The following PID1 variants were observed in gnomAD, a reference collection of about 807,000 sequenced individuals.
The protein encoded by PID1 is PTB-containing, cubilin and LRP1-interacting protein.
Under a neutral mutation model 19.1 loss-of-function variants are expected in PID1, and 10 were observed. The observed-to-expected ratio is 0.52, with a 90% CI of 0.32 to 0.89. PID1 has a LOEUF of 0.89. Ranked by LOEUF, PID1 falls within the 40% of genes least tolerant of loss-of-function variation. PID1 has a pLI of 0.03. For synonymous variants in PID1, 130 were observed against 116.0 expected (o/e 1.12, Z -0.78); for missense variants, 248 against 285.3 (o/e 0.87, Z 0.94).
At chr2:229,054,722 G>GTGTGTT (rs1035204865) in intron 2 of PID1, among the ~76,000 whole-genome samples, 1 of 57,116 alleles carries the variant, frequency 1.8e-5, no homozygotes, top group Non-Finnish European at 4.0e-5. Flanking sequence ...GTGTGTGTGG[G>GTGTGTT]GGGGGGGGGG....
intron 2 of PID1, among the ~76,000 whole-genome samples, chr2:229,083,311 A>T (rs569979642): frequency 6.6e-6 from 1 of 152,320 alleles, no homozygotes; most frequent in South Asian, 2.1e-4. Flanking sequence ...CAGCACACCT[A>T]GGCCAAGAGT....
chr2:229,158,799 A>G (rs1288229745), intron 1 of PID1, among the ~76,000 whole-genome samples: 13 of 152,192 alleles, frequency 8.5e-5, no homozygotes. Context: ...AGTAGAGATC[A>G]TTATGTTACA....
At chr2:229,266,960 T>G (rs1344297340) in intron 1 of PID1, among the ~76,000 whole-genome samples, 1 of 152,210 alleles carries the variant, frequency 6.6e-6, no homozygotes, top group Non-Finnish European at 1.5e-5. Context: ...GTTGACGTTT[T>G]AGAGGGTTCT....
intron 1 of PID1, among the ~76,000 whole-genome samples, chr2:229,160,279 A>C (rs1381414305): frequency 6.6e-6 from 1 of 152,110 alleles, no homozygotes; most frequent in Non-Finnish European, 1.5e-5. Flanking sequence ...GCAAACAGAG[A>C]CTGAAAGGTG....
chr2:229,112,036 C>A (rs1024631180), intron 2 of PID1, among the ~76,000 whole-genome samples: 1 of 152,290 alleles, frequency 6.6e-6, no homozygotes, highest in Non-Finnish European at 1.5e-5. Context: ...CAGAGCTGCA[C>A]GACAGTAAAT....
intron 1 of PID1, among the ~76,000 whole-genome samples, chr2:229,235,095 C>G (rs1692295377): frequency 6.6e-6 from 1 of 152,190 alleles, no homozygotes; most frequent in Non-Finnish European, 1.5e-5. Context: ...CTCCCACCCT[C>G]TCTCTAGGCT....
In PID1 at chr2:229,271,247, G is replaced by A. The variant is rs1218141030; in HGVS notation, c.-204C>T. 5 of 458,732 alleles carry A rather than the reference G, an allele frequency of 1.1e-5. No individual in the cohort carries two copies. Among genetic ancestry groups the A allele is most frequent in the African/African-American group, 1.0e-4 (5 of 47,776 alleles). The allele number at this position is 458,732 out of a possible 1,614,324, so 28.4% of individuals were successfully genotyped here. ...CAGCTGCCGGCAACTTGTGGGCACGGCCGCGCGCCGGCTGTCCTGGCGCAG... is the reference window on the plus strand; with the variant it reads ...CAGCTGCCGGCAACTTGTGGGCACGACCGCGCGCCGGCTGTCCTGGCGCAG... On this transcript the variant is annotated 5_prime_UTR_variant, in exon 1 of 3. Transcript: ENST00000392055.
intron 1 of PID1, among the ~76,000 whole-genome samples, chr2:229,250,094 A>G (rs949578970): frequency 6.6e-6 from 1 of 152,220 alleles, no homozygotes; most frequent in Non-Finnish European, 1.5e-5. Context: ...CTAATCACTG[A>G]TATTTGAGTT....
chr2:229,127,928 G>T (rs1474247172), intron 2 of PID1, among the ~76,000 whole-genome samples: 5 of 152,116 alleles, frequency 3.3e-5, no homozygotes, highest in African/African-American at 9.7e-5. Flanking sequence ...CTGCTCTTTG[G>T]CTTCCCTTTG....
chr2:229,044,574 T>C (rs377589431), intron 2 of PID1, among the ~76,000 whole-genome samples: 31 of 152,336 alleles, frequency 2.0e-4, no homozygotes, highest in South Asian at 6.2e-4. Context: ...TGAATCTAAG[T>C]TGGAAAGTCA....
chr2:229,094,640 A>G (rs71415708), intron 2 of PID1, among the ~76,000 whole-genome samples: 1 of 152,102 alleles, frequency 6.6e-6, no homozygotes, highest in Non-Finnish European at 1.5e-5. Flanking sequence ...AGACAGATAC[A>G]ACCAATTGAT....
rs537957456 is a variant in PID1 at position 229,215,804 on chromosome 2, C to T, written c.30+55210G>A. 9.2e-5 allele frequency among the ~76,000 whole-genome samples: 14 copies of T among 152,332 alleles called. No individual in the cohort carries two copies. The East Asian group carries it at 2.3e-3, about 25-fold the overall frequency. On this transcript the variant is annotated intron_variant, in intron 1 of 2. Transcript: ENST00000392055. ...AAAGAATTAAATTCTTACCCATGAT[C>T]TCCAATTAATGTACTGGTGGTTTAC... is the stretch of plus-strand genomic sequence containing the variant.
intron 2 of PID1, among the ~76,000 whole-genome samples, chr2:229,098,158 G>A (rs7579274): frequency 0.59 from 89,793 of 152,004 alleles, 29,597 homozygotes; most frequent in South Asian, 0.76. Flanking sequence ...TAACAGGTGC[G>A]CTCTGTGCAA....
At chr2:229,230,367 G>A (rs1692178569) in intron 1 of PID1, among the ~76,000 whole-genome samples, 1 of 152,192 alleles carries the variant, frequency 6.6e-6, no homozygotes, top group African/African-American at 2.4e-5. Flanking sequence ...GTGAAGCCAG[G>A]ACCACTAAGG....
At chr2:229,209,287 G>T (rs1185704499) in intron 1 of PID1, among the ~76,000 whole-genome samples, 1 of 152,158 alleles carries the variant, frequency 6.6e-6, no homozygotes, top group African/African-American at 2.4e-5. Context: ...ATGCTGGCTG[G>T]TCACCAGAGT....
intron 1 of PID1, among the ~76,000 whole-genome samples, chr2:229,251,893 T>A (rs77573675): frequency 0.01 from 1,113 of 110,460 alleles, 5 homozygotes; most frequent in South Asian, 0.018. Context: ...ACCCAATAAA[T>A]AAGTTTTGAT....
intron 1 of PID1, among the ~76,000 whole-genome samples, chr2:229,223,369 C>A (rs1692013230): frequency 6.6e-6 from 1 of 152,130 alleles, no homozygotes; most frequent in Non-Finnish European, 1.5e-5. Context: ...AATGTTTATT[C>A]ATATCCTTTT....
chr2:229,101,346 A>G (rs1359159315), intron 2 of PID1, among the ~76,000 whole-genome samples: 1 of 152,170 alleles, frequency 6.6e-6, no homozygotes, highest in Non-Finnish European at 1.5e-5. Context: ...TAATCCCAGC[A>G]TGCATTAGCT....
intron 2 of PID1, among the ~76,000 whole-genome samples, chr2:229,076,550 C>T (rs1251762208): frequency 2.6e-5 from 4 of 152,086 alleles, no homozygotes; most frequent in Non-Finnish European, 5.9e-5. Flanking sequence ...CATTGCCTCC[C>T]ACCCCCCAAC....
Sources: allele counts gnomAD v4.1 joint callset (sites outside exome capture counted in the v4.1 genomes callset), GRCh38; gene constraint gnomAD v4.1.1; transcripts MANE v1.5; gene names NCBI Gene and HGNC (gene_info 2026-07-23, HGNC 2026-07-21).